Variants in NACC2 observed in about 807,000 individuals in gnomAD.
NACC2 encodes NACC family member 2, also known as nucleus accumbens-associated protein 2.
A neutral mutation model predicts 25.1 loss-of-function variants in NACC2; 8 were observed. That is an observed-to-expected ratio of 0.32 (90% CI 0.19 to 0.57). The LOEUF is 0.57. Among genes scored for constraint, NACC2 ranks in the 20% least tolerant of loss-of-function variants. The pLI, the probability that NACC2 is intolerant of heterozygous loss-of-function variation, is 0.89. For synonymous variants in NACC2, 435 were observed against 294.7 expected (o/e 1.48, Z -4.88); for missense variants, 644 against 650.2 (o/e 0.99, Z 0.10).
intron 1 of NACC2, among the ~76,000 whole-genome samples, chr9:136,051,048 G>A (rs1446565424): frequency 6.6e-6 from 1 of 152,232 alleles, no homozygotes; most frequent in African/African-American, 2.4e-5. Context: ...GGAGGGAGGG[G>A]GGTCTCTGGA....
At chr9:136,021,379 AGGAT>A (rs753449087) in intron 2 of NACC2, among the ~76,000 whole-genome samples, 12 of 152,198 alleles carry the variant, frequency 7.9e-5, no homozygotes, top group Non-Finnish European at 1.8e-4. Flanking sequence ...AGTGCCGGCG[AGGAT>A]GCGGGGCAGC....
At chr9:136,063,292 G>T (rs1012314203) in intron 1 of NACC2, among the ~76,000 whole-genome samples, 2 of 152,310 alleles carry the variant, frequency 1.3e-5, no homozygotes, top group South Asian at 4.1e-4. Context: ...CTGGAGGCTG[G>T]GGTCTGACTC....
At position 136,092,685 on chromosome 9, in the gene NACC2, G is replaced by A. The variant is rs139013265; in HGVS notation, c.-60+2504C>T. ...TGCTACCAAGGTGAAGGTGGACTGG[G>A]CCGGAGGAGCAGCAGAGTCAGGGGG... is the stretch of plus-strand genomic sequence containing the variant. On this transcript the variant is annotated intron_variant, in intron 1 of 5. Transcript: ENST00000277554. Among the ~76,000 whole-genome samples, 50 of 152,316 alleles carry A rather than the reference G, an allele frequency of 3.3e-4. 1 individual carries two copies. In the East Asian group the frequency reaches 8.9e-3, roughly 27 times the overall value.
intron 1 of NACC2, among the ~76,000 whole-genome samples, chr9:136,066,587 A>T (rs1841084299): frequency 6.6e-6 from 1 of 152,240 alleles, no homozygotes; most frequent in East Asian, 1.9e-4. Flanking sequence ...GAATTTCCTC[A>T]AAAGGTCAAA....
At chr9:136,048,127 C>A (rs1440024467) in intron 2 of NACC2, among the ~76,000 whole-genome samples, 1 of 152,216 alleles carries the variant, frequency 6.6e-6, no homozygotes, top group Non-Finnish European at 1.5e-5. Context: ...TGGGGGATGT[C>A]CTCAGGGACT....
chr9:136,087,480 T>G (rs1177320165), intron 1 of NACC2, among the ~76,000 whole-genome samples: 1 of 151,200 alleles, frequency 6.6e-6, no homozygotes, highest in Non-Finnish European at 1.5e-5. Flanking sequence ...TTCGCAGGGG[T>G]CGGGCCAGCC....
chr9:136,050,231 C>T lies in NACC2; in HGVS notation c.291G>A (p.Gln97=), dbSNP rs1180615152. ...TGRLTMTASE[Q]LVVMYTAGFL... The stretch of plus-strand genomic sequence containing the variant: ...AGCCGGCCGTGTACATGACCACGAG[C>T]TGCTCGCTGGCCGTCATGGTGAGCC... The change falls in exon 2 of 6, where the codon CAG becomes CAA. Residue 97 remains glutamine (Q), a synonymous_variant. Coordinates refer to ENST00000277554, the MANE Select transcript of NACC2 (RefSeq NM_144653.5). 7.8e-6 allele frequency: 6 copies of T among 772,394 alleles called. No homozygotes were observed. The highest frequency in any genetic ancestry group is 3.4e-5 in the African/African-American group (2 of 59,026). 47.8% of individuals were successfully genotyped at this position (772,394 alleles called of 1,614,324 possible). A position where few individuals can be genotyped will look rare whatever the true frequency, so the allele number is the denominator to read the frequency against.
In NACC2 at chr9:136,049,898, C is replaced by A. The variant is rs1344754505; in HGVS notation, c.624G>T (p.Ala208=). ...RDGVAVAAGA[A]VAAGTAPLKL... is the part of the protein sequence containing the mutation. ...TGAGAGGGGCTGTGCCCGCCGCCAC[C>A]GCAGCCCCCGCGGCCACCGCCACGC... The change falls in exon 2 of 6, where the codon GCG becomes GCT. Residue 208 remains alanine, a synonymous_variant. Coordinates refer to ENST00000277554, the MANE Select transcript of NACC2 (RefSeq NM_144653.5). 178 of 584,344 alleles carry A rather than the reference C, an allele frequency of 3.0e-4. 1 individual carries two copies. The African/African-American group carries it at 3.3e-3, about 11-fold the overall frequency. 36.2% of individuals were successfully genotyped at this position (584,344 alleles called of 1,614,324 possible). A position where few individuals can be genotyped will look rare whatever the true frequency, so the allele number is the denominator to read the frequency against.
intron 2 of NACC2, among the ~76,000 whole-genome samples, chr9:136,024,153 AGAGTGT>A (rs746031247): frequency 6.5e-5 from 6 of 92,768 alleles, no homozygotes; most frequent in African/African-American, 3.3e-4. Flanking sequence ...GTGTGGGGAC[AGAGTGT>A]GTGTGTGTGT....
At chr9:136,058,677 A>G (rs1223857375) in intron 1 of NACC2, among the ~76,000 whole-genome samples, 3 of 152,228 alleles carry the variant, frequency 2.0e-5, no homozygotes, top group Non-Finnish European at 4.4e-5. Flanking sequence ...CCACCTCAGC[A>G]TCGCACCATG....
intron 2 of NACC2, among the ~76,000 whole-genome samples, chr9:136,017,940 C>T: frequency 6.6e-6 from 1 of 152,210 alleles, no homozygotes; most frequent in East Asian, 1.9e-4. Context: ...CCTTGGGCCA[C>T]CCGGGGCTGG....
At chr9:136,087,625 A>T (rs957956050) in intron 1 of NACC2, among the ~76,000 whole-genome samples, 1 of 152,222 alleles carries the variant, frequency 6.6e-6, no homozygotes, top group African/African-American at 2.4e-5. Context: ...GTGACCAGAA[A>T]GCAGGATACG....
intron 1 of NACC2, among the ~76,000 whole-genome samples, chr9:136,068,959 C>T (rs1272770880): frequency 2.7e-5 from 4 of 149,456 alleles, no homozygotes; most frequent in Non-Finnish European, 5.9e-5. Context: ...CTCTTGTTGC[C>T]CAGGCTGGAG....
intron 1 of NACC2, among the ~76,000 whole-genome samples, chr9:136,067,084 G>A (rs1035914763): frequency 6.6e-6 from 1 of 152,088 alleles, no homozygotes; most frequent in African/African-American, 2.4e-5. Flanking sequence ...TCGAAACCCC[G>A]TCTCTACTAA....
rs1840144810 is a variant in NACC2 at position 136,013,431 on chromosome 9, AG to A, written c.1158-136del. 4.2e-6 allele frequency: 3 copies of A among 717,304 alleles called. No homozygotes were observed. Among genetic ancestry groups the A allele is most frequent in the Non-Finnish European group, 7.0e-6 (3 of 430,840 alleles). The allele number at this position is 717,304 out of a possible 1,614,324, so 44.4% of individuals were successfully genotyped here. ...GCTGGTCTGCGTGTGTCCCAGTGGCAGGAGCCGGCCCAGCCACCCTCTAAGG... is the reference window on the plus strand; with the variant it reads ...GCTGGTCTGCGTGTGTCCCAGTGGCAGAGCCGGCCCAGCCACCCTCTAAGG... On this transcript the variant is annotated intron_variant, in intron 4 of 5. Coordinates refer to ENST00000277554, the MANE Select transcript of NACC2 (RefSeq NM_144653.5). This position sits in a 1 kb window ranked among gnomAD's most constrained non-coding sequence, Gnocchi z 6.6.
intron 2 of NACC2, among the ~76,000 whole-genome samples, chr9:136,025,320 C>A (rs1039460843): frequency 6.6e-6 from 1 of 152,188 alleles, no homozygotes; most frequent in Non-Finnish European, 1.5e-5. Context: ...CACCTGTTTT[C>A]ACACGATGTC....
chr9:136,046,262 C>T (rs1287191532), intron 2 of NACC2, among the ~76,000 whole-genome samples: 7 of 152,214 alleles, frequency 4.6e-5, no homozygotes, highest in African/African-American at 1.4e-4. Context: ...CCCCTGACAA[C>T]GCCAGGCAGG....
intron 2 of NACC2, among the ~76,000 whole-genome samples, chr9:136,026,653 A>C (rs1392090694): frequency 6.6e-6 from 1 of 152,222 alleles, no homozygotes; most frequent in Non-Finnish European, 1.5e-5. Context: ...TAAAATGACA[A>C]AGGCACGTCT....
chr9:136,038,531 T>C (rs1213020274), intron 2 of NACC2, among the ~76,000 whole-genome samples: 1 of 152,120 alleles, frequency 6.6e-6, no homozygotes, highest in Non-Finnish European at 1.5e-5. Flanking sequence ...CAGAGTGAGA[T>C]TATGTCTCAA....
Sources: gnomAD v4.1 joint callset for allele counts (sites outside exome capture counted in the v4.1 genomes callset) on GRCh38, gnomAD v4.1.1 for gene constraint, Gnocchi (gnomAD v3.1) non-coding constraint, MANE v1.5 for transcripts, NCBI Gene and HGNC (gene_info 2026-07-23, HGNC 2026-07-21) for gene names.